The following IGFL2 variants were observed in gnomAD, a reference collection of about 807,000 sequenced individuals.
IGFL2 encodes the protein insulin growth factor-like family member 2.
In IGFL2, 7 loss-of-function variants were observed where a neutral mutation model predicts 13.9. The ratio of observed to expected loss-of-function variants is 0.51; its 90% CI spans 0.29 to 0.95. The LOEUF (loss-of-function observed/expected upper bound fraction) is 0.95. Ranked by LOEUF, IGFL2 falls within the 40% of genes least tolerant of loss-of-function variation. The pLI is 0.08. For synonymous variants in IGFL2, 55 were observed against 55.8 expected (o/e 0.99, Z 0.07); for missense variants, 138 against 147.8 (o/e 0.93, Z 0.34).
chr19:46,103,827 G>A, the IGFL2 span, among the ~76,000 whole-genome samples: 2 of 152,168 alleles, frequency 1.3e-5, no homozygotes. Context: ...ATTTAGGAAT[G>A]CGGGTGAGTT....
At chr19:46,112,563 C>G in the IGFL2 span, among the ~76,000 whole-genome samples, 19 of 152,210 alleles carry the variant, frequency 1.2e-4, no homozygotes, top group Non-Finnish European at 2.2e-4. Context: ...CAGTCAGGAC[C>G]ACAAAGCATA....
the IGFL2 span, among the ~76,000 whole-genome samples, chr19:46,087,806 G>A: frequency 6.6e-6 from 1 of 152,202 alleles, no homozygotes; most frequent in Non-Finnish European, 1.5e-5. Context: ...CAGTGGGTGG[G>A]GAATGTCAGT....
At chr19:46,160,307 A>T in intron 1 of IGFL2, 108 bp from the exon 2 acceptor site, 1 of 920,414 alleles carries the variant, frequency 1.1e-6, no homozygotes, top group Non-Finnish European at 1.7e-6. Context: ...CCAAGCCTTT[A>T]GAGCTAATCT....
the IGFL2 span, among the ~76,000 whole-genome samples, chr19:46,127,893 A>G: frequency 6.6e-6 from 1 of 152,162 alleles, no homozygotes; most frequent in East Asian, 1.9e-4. Flanking sequence ...CGACACCCCA[A>G]GGATCCCATA....
At chr19:46,178,750 G>C in the IGFL2 span, among the ~76,000 whole-genome samples, 1 of 152,022 alleles carries the variant, frequency 6.6e-6, no homozygotes, top group Non-Finnish European at 1.5e-5. Context: ...CCACCCATAA[G>C]CCCCCACTTC....
the IGFL2 span, chr19:46,137,143 G>A: frequency 1.2e-5 from 19 of 1,609,006 alleles, 1 homozygote; most frequent in South Asian, 1.9e-4. Context: ...AATGAAATGG[G>A]GTCTCCTCTA....
the IGFL2 span, among the ~76,000 whole-genome samples, chr19:46,203,868 C>T: frequency 4.6e-5 from 7 of 152,084 alleles, no homozygotes; most frequent in East Asian, 1.3e-3. Context: ...AGGTGCATGC[C>T]ACCACACCCA....
chr19:46,145,618 G>T (rs1210003528), upstream of IGFL2, among the ~76,000 whole-genome samples: 1 of 151,028 alleles, frequency 6.6e-6, no homozygotes, highest in African/African-American at 2.4e-5. Context: ...GTGTGTGTGT[G>T]TGTGTGTGTG....
downstream of IGFL2, among the ~76,000 whole-genome samples, chr19:46,162,858 G>A (rs1320339971): frequency 2.6e-5 from 4 of 152,166 alleles, no homozygotes; most frequent in African/African-American, 4.8e-5. Flanking sequence ...TCGTTTGGAG[G>A]ACATATGACC....
the IGFL2 span, chr19:46,212,172 G>A: frequency 6.6e-6 from 1 of 152,364 alleles, no homozygotes; most frequent in African/African-American, 2.4e-5. Flanking sequence ...ACAAGGCATG[G>A]AGGCCAATGG....
chr19:46,079,598 C>T, the IGFL2 span, among the ~76,000 whole-genome samples: 14 of 152,266 alleles, frequency 9.2e-5, no homozygotes, highest in South Asian at 2.1e-4. Context: ...GCTTTGGAAA[C>T]GCCTGTACGT....
At chr19:46,146,208 A>G (rs139910469), upstream of IGFL2, among the ~76,000 whole-genome samples, 245 of 151,594 alleles carry the variant, frequency 1.6e-3, no homozygotes, top group Admixed American at 5.3e-3. Context: ...TGAAATGACT[A>G]TCTTTTCCCC....
the IGFL2 span, among the ~76,000 whole-genome samples, chr19:46,193,170 G>A: frequency 6.6e-6 from 1 of 152,062 alleles, no homozygotes; most frequent in African/African-American, 2.4e-5. Flanking sequence ...CCAGCCTGGG[G>A]GACAGAGCAA....
At chr19:46,200,473 C>CCTTTCCTTTT in the IGFL2 span, among the ~76,000 whole-genome samples, 1 of 134,174 alleles carries the variant, frequency 7.5e-6, no homozygotes, top group African/African-American at 2.8e-5. Context: ...CACACCTGGC[C>CCTTTCCTTTT]CTTTTCTTTT....
At chr19:46,169,992 C>G in the IGFL2 span, among the ~76,000 whole-genome samples, 1 of 151,928 alleles carries the variant, frequency 6.6e-6, no homozygotes, top group Non-Finnish European at 1.5e-5. Flanking sequence ...CCAAATTGAT[C>G]TCAGATTTTC....
chr19:46,172,483 G>A, the IGFL2 span, among the ~76,000 whole-genome samples: 1 of 152,212 alleles, frequency 6.6e-6, no homozygotes, highest in East Asian at 1.9e-4. Context: ...GGAATGGATA[G>A]TGGAAGAAAT....
chr19:46,125,114 G>A, the IGFL2 span, among the ~76,000 whole-genome samples: 259 of 152,260 alleles, frequency 1.7e-3, no homozygotes, highest in Non-Finnish European at 3.3e-3. Context: ...CAAGCACGAT[G>A]TCTCTGGAAA....
At chr19:46,165,812 T>G (rs1431765620), downstream of IGFL2, among the ~76,000 whole-genome samples, 5 of 152,246 alleles carry the variant, frequency 3.3e-5, no homozygotes, top group African/African-American at 9.6e-5. Context: ...CCGCCTGGGT[T>G]GTCTCTTCTG....
chr19:46,112,618 A>C, the IGFL2 span, among the ~76,000 whole-genome samples: 1 of 152,222 alleles, frequency 6.6e-6, no homozygotes, highest in Non-Finnish European at 1.5e-5. Context: ...GAGTGGCTGA[A>C]TCAAACAGCC....
Sources: allele counts gnomAD v4.1 joint callset (sites outside exome capture counted in the v4.1 genomes callset), GRCh38; gene constraint gnomAD v4.1.1; transcripts MANE v1.5; gene names NCBI Gene and HGNC (gene_info 2026-07-23, HGNC 2026-07-21).